The following MSH3 variants were observed in gnomAD, a reference collection of about 807,000 sequenced individuals.
MSH3 encodes the protein mutS homolog 3.
In MSH3, 106 loss-of-function variants were observed where a neutral mutation model predicts 123.3. The ratio of observed to expected loss-of-function variants is 0.86; its 90% CI spans 0.73 to 1.01. The LOEUF (loss-of-function observed/expected upper bound fraction) is 1.01. Ranked by LOEUF, MSH3 falls within the 50% of genes least tolerant of loss-of-function variation. MSH3 has a pLI of 0.00. For synonymous variants in MSH3, 515 were observed against 481.4 expected (o/e 1.07, Z -0.91); for missense variants, 1,459 against 1,347.6 (o/e 1.08, Z -1.29).
chr5:80,708,391 CTT>C (rs1750766516), intron 8 of MSH3, among the ~76,000 whole-genome samples: 1 of 152,006 alleles, frequency 6.6e-6, no homozygotes, highest in Non-Finnish European at 1.5e-5. Context: ...ATAGAAAAGA[CTT>C]TTATATGCAT....
chr5:80,743,635 G>A (rs1430689995), intron 11 of MSH3, among the ~76,000 whole-genome samples: 25 of 10,450 alleles, frequency 2.4e-3, no homozygotes, highest in South Asian at 4.8e-3. Flanking sequence ...ACGAGGTCAG[G>A]AGATCGAGAC....
intron 20 of MSH3, among the ~76,000 whole-genome samples, chr5:80,819,408 G>A (rs561483133): frequency 6.7e-6 from 1 of 148,594 alleles, no homozygotes; most frequent in African/African-American, 2.5e-5. Context: ...GTATATATGT[G>A]TGTATATATG....
intron 20 of MSH3, among the ~76,000 whole-genome samples, chr5:80,853,658 A>C (rs1745867062): frequency 6.6e-6 from 1 of 152,240 alleles, no homozygotes. Context: ...AGTTCCAGTA[A>C]AAAGTTGTAT....
At chr5:80,712,248 A>AT (rs1750874999) in intron 8 of MSH3, among the ~76,000 whole-genome samples, 3 of 151,728 alleles carry the variant, frequency 2.0e-5, no homozygotes, top group Admixed American at 6.6e-5. Context: ...CCTGTAATCC[A>AT]TTTTTTCTCT....
intron 17 of MSH3, among the ~76,000 whole-genome samples, chr5:80,782,290 C>A (rs1345334852): frequency 1.3e-5 from 2 of 152,162 alleles, no homozygotes; most frequent in East Asian, 3.8e-4. Flanking sequence ...ATTTAACCAA[C>A]TGCAGATTGA....
chr5:80,784,889 T>A (rs953111271), intron 17 of MSH3, among the ~76,000 whole-genome samples: 4 of 152,210 alleles, frequency 2.6e-5, no homozygotes, highest in African/African-American at 7.2e-5. Flanking sequence ...GTATACAGTA[T>A]ACTGTGAATA....
rs547233749 is a variant in MSH3 at position 80,840,499 on chromosome 5, C to T, written c.2814-13631C>T. ...CATAATCTCAGCTCACTGCAAACTCCGCCTCCCAGGTTCAAGCAATTCTCG... is the reference window on the plus strand; with the variant it reads ...CATAATCTCAGCTCACTGCAAACTCTGCCTCCCAGGTTCAAGCAATTCTCG... On this transcript the variant is annotated intron_variant, in intron 20 of 23. Coordinates refer to ENST00000265081, the MANE Select transcript of MSH3 (RefSeq NM_002439.5). Among the ~76,000 whole-genome samples the T allele has an allele frequency of 1.2e-4, 19 of 152,116 alleles. No homozygotes were observed. In the East Asian group the frequency reaches 2.9e-3, roughly 23 times the overall value.
intron 8 of MSH3, among the ~76,000 whole-genome samples, chr5:80,698,595 G>T (rs964082360): frequency 6.6e-6 from 1 of 152,118 alleles, no homozygotes; most frequent in African/African-American, 2.4e-5. Flanking sequence ...AGTTTGGCTG[G>T]GTTACTCTGC....
intron 20 of MSH3, among the ~76,000 whole-genome samples, chr5:80,816,166 G>T (rs1745099517): frequency 6.6e-6 from 1 of 152,152 alleles, no homozygotes; most frequent in African/African-American, 2.4e-5. Flanking sequence ...CACAGTTTTT[G>T]ATTTCATGAA....
intron 9 of MSH3, among the ~76,000 whole-genome samples, chr5:80,728,119 G>A (rs961384316): frequency 5.9e-5 from 9 of 152,144 alleles, no homozygotes; most frequent in African/African-American, 2.2e-4. Flanking sequence ...GTCACTTTAA[G>A]GGCTTTGACC....
At chr5:80,768,636 A>G (rs1390765288) in intron 14 of MSH3, among the ~76,000 whole-genome samples, 199 bp from the exon 15 acceptor site, 1 of 152,292 alleles carries the variant, frequency 6.6e-6, no homozygotes, top group Middle Eastern at 3.4e-3. Context: ...TCATGAAGTT[A>G]AAAAGCAGAA....
chr5:80,718,422 A>G (rs1478876256), intron 8 of MSH3, among the ~76,000 whole-genome samples: 1 of 151,696 alleles, frequency 6.6e-6, no homozygotes, highest in African/African-American at 2.4e-5. Flanking sequence ...CTGACTTTTT[A>G]TAAAAATACG....
At chr5:80,754,262 T>C (rs1355273214) in intron 12 of MSH3, among the ~76,000 whole-genome samples, 4 of 152,084 alleles carry the variant, frequency 2.6e-5, no homozygotes, top group African/African-American at 9.7e-5. Context: ...AAACCTTTTG[T>C]TTAAAAAAGC....
intron 20 of MSH3, among the ~76,000 whole-genome samples, chr5:80,836,804 GT>G (rs1176884197): frequency 1.3e-5 from 2 of 151,884 alleles, no homozygotes; most frequent in Admixed American, 1.3e-4. Context: ...ATTTTGTATT[GT>G]TTTTTATTTT....
intron 8 of MSH3, among the ~76,000 whole-genome samples, chr5:80,721,889 G>A (rs935213416): frequency 3.9e-5 from 6 of 151,940 alleles, no homozygotes; most frequent in African/African-American, 7.3e-5. Context: ...CTTTTGTGAC[G>A]AGGTATAGCC....
intron 12 of MSH3, among the ~76,000 whole-genome samples, chr5:80,749,355 G>A (rs955169610): frequency 6.6e-6 from 1 of 152,306 alleles, no homozygotes; most frequent in Admixed American, 6.5e-5. Context: ...TCAAGGGCAG[G>A]AAGCATCCAG....
At chr5:80,717,892 A>T (rs569987655) in intron 8 of MSH3, among the ~76,000 whole-genome samples, 6 of 152,182 alleles carry the variant, frequency 3.9e-5, no homozygotes, top group Non-Finnish European at 7.3e-5. Flanking sequence ...CAGCGTGATG[A>T]TGGAACATTG....
rs572032925 is a variant in MSH3 at position 80,784,665 on chromosome 5, T to C, written c.2436-2900T>C. ...AGGTCTTATTCATTCTTTCTATTTT[T>C]TTGGACCCATTAGCCATCCCCACTT... On this transcript the variant is annotated intron_variant, in intron 17 of 23. Transcript: ENST00000265081. Among the ~76,000 whole-genome samples the C allele has an allele frequency of 1.8e-4, 27 of 152,308 alleles. No individual in the cohort carries two copies. In the East Asian group the frequency reaches 5.0e-3, roughly 28 times the overall value.
chr5:80,762,776 A>T (rs958871550), intron 13 of MSH3, among the ~76,000 whole-genome samples: 40 of 74,640 alleles, frequency 5.4e-4, no homozygotes, highest in African/African-American at 2.0e-3. Flanking sequence ...TTTTATTTTA[A>T]TTTTTTATTT....
Sources: gnomAD v4.1 joint callset for allele counts (sites outside exome capture counted in the v4.1 genomes callset) on GRCh38, gnomAD v4.1.1 for gene constraint, MANE v1.5 for transcripts, NCBI Gene and HGNC (gene_info 2026-07-23, HGNC 2026-07-21) for gene names.